SH3RF3: variants seen among roughly 807,000 people sequenced by gnomAD.
SH3RF3 encodes E3 ubiquitin-protein ligase SH3RF3.
Under a neutral mutation model 66.3 loss-of-function variants are expected in SH3RF3, and 29 were observed. The ratio of observed to expected loss-of-function variants is 0.44; its 90% confidence interval spans 0.33 to 0.60. SH3RF3 has a LOEUF of 0.60. Ranked by LOEUF, SH3RF3 falls within the 20% of genes least tolerant of loss-of-function variation. SH3RF3 has a pLI of 0.04. For synonymous variants in SH3RF3, 583 were observed against 532.0 expected, an observed-to-expected ratio of 1.10 and a Z score of -1.32; for missense variants, 1,194 against 1,190.9, an observed-to-expected ratio of 1.00 and a Z score of -0.04.
At chr2:109,249,565 TTCCTTCCTTCCTTCC>T (rs1332378018) in intron 1 of SH3RF3, among the ~76,000 whole-genome samples, 7 of 139,072 alleles carry the variant, frequency 5.0e-5, no homozygotes, top group Non-Finnish European at 1.1e-4. Flanking sequence ...CCTTCCTTCC[TTCCTTCCTTCCTTCC>T]TTCCTTTCCT....
At chr2:109,396,574 T>C (rs1281377911) in intron 3 of SH3RF3, among the ~76,000 whole-genome samples, 1 of 152,204 alleles carries the variant, frequency 6.6e-6, no homozygotes, top group Non-Finnish European at 1.5e-5. Flanking sequence ...GTTTTTGTTT[T>C]TTTAACTCAT....
At chr2:109,148,168 C>T (rs377142727) in intron 1 of SH3RF3, among the ~76,000 whole-genome samples, 8 of 152,208 alleles carry the variant, frequency 5.3e-5, no homozygotes, top group Admixed American at 4.6e-4. Flanking sequence ...GTGTTCTTAC[C>T]GATGGTGGAA....
chr2:109,299,987 G>A (rs971585604), intron 1 of SH3RF3, among the ~76,000 whole-genome samples: 4 of 152,086 alleles, frequency 2.6e-5, no homozygotes, highest in African/African-American at 7.2e-5. Context: ...TATTTATTTC[G>A]CTCTTTCTTC....
chr2:109,315,574 A>C (rs573276902), intron 1 of SH3RF3, among the ~76,000 whole-genome samples: 1 of 152,340 alleles, frequency 6.6e-6, no homozygotes, highest in East Asian at 1.9e-4. Flanking sequence ...CCTGTTGTGC[A>C]CTGTCTGTGC....
chr2:109,233,128 A>T (rs764045845), intron 1 of SH3RF3, among the ~76,000 whole-genome samples: 2 of 152,290 alleles, frequency 1.3e-5, no homozygotes, highest in Admixed American at 6.5e-5. Flanking sequence ...CTCCTTTAGC[A>T]GTTGCTGTCC....
chr2:109,471,825 G>A (rs1234319763), intron 8 of SH3RF3, among the ~76,000 whole-genome samples: 3 of 152,204 alleles, frequency 2.0e-5, no homozygotes, highest in South Asian at 2.1e-4. Flanking sequence ...CATGGGGCAC[G>A]TCTTGTTAAA....
chr2:109,465,347 A>G (rs1247801879), intron 8 of SH3RF3, among the ~76,000 whole-genome samples: 2 of 152,222 alleles, frequency 1.3e-5, no homozygotes, highest in Non-Finnish European at 2.9e-5. Flanking sequence ...TTTTAGGAGT[A>G]TGTAAGAGTA....
intron 3 of SH3RF3, among the ~76,000 whole-genome samples, chr2:109,389,831 C>T (rs539641314): frequency 6.6e-6 from 1 of 152,152 alleles, no homozygotes; most frequent in African/African-American, 2.4e-5. Context: ...GATGGGGGTG[C>T]ACTGTCAGAG....
At chr2:109,344,118 G>T (rs574561644) in intron 1 of SH3RF3, among the ~76,000 whole-genome samples, 122 of 152,298 alleles carry the variant, frequency 8.0e-4, no homozygotes, top group Non-Finnish European at 1.5e-3. Context: ...GAGTGCCTTT[G>T]AATTAACAGC....
Position 109,202,403 on chromosome 2 carries a change from G to A in SH3RF3, c.573+72290G>A, listed in dbSNP as rs181828824. Among the ~76,000 whole-genome samples, 31 of 152,260 alleles carry A rather than the reference G, an allele frequency of 2.0e-4. No individual in the cohort carries two copies. In the East Asian group the frequency reaches 4.1e-3, roughly 20 times the overall value. On this transcript the variant is annotated intron_variant, in intron 1 of 9. Transcript: ENST00000309415. ...TTTGTGAAGGGACACCTAATTGCCC[G>A]AACTTAATTGTACTTTTTAGTACAA... is the stretch of plus-strand genomic sequence containing the variant.
At chr2:109,241,659 G>A (rs757954736) in intron 1 of SH3RF3, among the ~76,000 whole-genome samples, 7 of 152,078 alleles carry the variant, frequency 4.6e-5, no homozygotes, top group Non-Finnish European at 8.8e-5. Flanking sequence ...CCTCGCCATG[G>A]TGAGGGTTCG....
At chr2:109,336,885 C>G (rs953543508) in intron 1 of SH3RF3, among the ~76,000 whole-genome samples, 1 of 152,190 alleles carries the variant, frequency 6.6e-6, no homozygotes, top group Admixed American at 6.5e-5. Context: ...GAATTCTGCT[C>G]AGTTCCTCCT....
In SH3RF3 at chr2:109,294,283, C is replaced by T. The variant is rs527928613; in HGVS notation, c.574-53391C>T. On this transcript the variant is annotated intron_variant, in intron 1 of 9. Transcript: ENST00000309415. ...CTGCCTGTATAAAGAATTGCTGTGCCGTGTGCGGTGGTCATGCCTGTAATC... is the reference window on the plus strand; with the variant it reads ...CTGCCTGTATAAAGAATTGCTGTGCTGTGTGCGGTGGTCATGCCTGTAATC... Among the ~76,000 whole-genome samples the T allele has an allele frequency of 3.4e-3, 519 of 152,112 alleles. 4 individuals are homozygous for T. The highest frequency in any genetic ancestry group is 0.012 in the African/African-American group (502 of 41,486).
chr2:109,161,862 AT>A (rs1164609402), intron 1 of SH3RF3, among the ~76,000 whole-genome samples: 1 of 151,764 alleles, frequency 6.6e-6, no homozygotes, highest in Non-Finnish European at 1.5e-5. Flanking sequence ...TGGGGATCAC[AT>A]TTTAATACAA....
chr2:109,326,119 A>C (rs1682149220), intron 1 of SH3RF3, among the ~76,000 whole-genome samples: 1 of 152,248 alleles, frequency 6.6e-6, no homozygotes, highest in African/African-American at 2.4e-5. Context: ...ACACACACGT[A>C]TGTGGGTCTA....
intron 1 of SH3RF3, among the ~76,000 whole-genome samples, chr2:109,344,830 C>T (rs1350554729): frequency 1.3e-5 from 2 of 152,114 alleles, no homozygotes; most frequent in Non-Finnish European, 2.9e-5. Context: ...GCTGGAGGGA[C>T]AGACAGCCTC....
chr2:109,166,333 C>T (rs536400217), intron 1 of SH3RF3, among the ~76,000 whole-genome samples: 7 of 151,756 alleles, frequency 4.6e-5, no homozygotes, highest in East Asian at 3.9e-4. Context: ...AAAAATTAGC[C>T]GAGTGTGGTG....
chr2:109,194,569 G>A (rs150031984), intron 1 of SH3RF3, among the ~76,000 whole-genome samples: 2 of 152,382 alleles, frequency 1.3e-5, no homozygotes, highest in Non-Finnish European at 2.9e-5. Flanking sequence ...CACTTTCAGG[G>A]CCCGGCGGGC....
At chr2:109,361,117 T>C (rs2105626200) in intron 2 of SH3RF3, among the ~76,000 whole-genome samples, 1 of 152,366 alleles carries the variant, frequency 6.6e-6, no homozygotes, top group Non-Finnish European at 1.5e-5. Context: ...GTGGATATGA[T>C]AGGTTACATT....
Sources: gnomAD v4.1 joint callset for allele counts (sites outside exome capture counted in the v4.1 genomes callset) on GRCh38, gnomAD v4.1.1 for gene constraint, MANE v1.5 for transcripts, NCBI Gene and HGNC (gene_info 2026-07-23, HGNC 2026-07-21) for gene names.